The following KRTCAP2 variants were observed in gnomAD, a reference collection of about 807,000 sequenced individuals.
KRTCAP2 encodes keratinocyte associated protein 2, also known as dolichyl-diphosphooligosaccharide--protein glycosyltransferase subunit KCP2.
A neutral mutation model predicts 16.5 loss-of-function variants in KRTCAP2; 10 were observed. The ratio of observed to expected loss-of-function variants is 0.60; its 90% CI spans 0.37 to 1.02. The LOEUF (loss-of-function observed/expected upper bound fraction) is 1.02, where lower values mean the gene tolerates loss of function less well. Among genes scored for constraint, KRTCAP2 ranks in the 50% least tolerant of loss-of-function variants. The pLI, the probability that KRTCAP2 is intolerant of heterozygous loss-of-function variation, is 0.01. For synonymous variants in KRTCAP2, 68 were observed against 69.8 expected (o/e 0.97, Z 0.13); for missense variants, 152 against 159.6 (o/e 0.95, Z 0.26).
At chr1:155,173,156 A>C in intron 1 of KRTCAP2, 65 bp downstream of exon 1, 1 of 1,379,162 alleles carries the variant, frequency 7.3e-7, no homozygotes, top group Non-Finnish European at 1.0e-6. Context: ...GAGGACGAGG[A>C]AAGCTTGTCC....
Position 155,172,857 on chromosome 1 carries a change from G to A in KRTCAP2, c.40C>T (p.Leu14Phe), listed in dbSNP as rs1368141718. The change falls in exon 2 of 5, where the codon CTC becomes TTC. Residue 14 changes from leucine (L) to phenylalanine (F), a missense_variant. Physicochemically the swap from Leu to Phe is conservative, Grantham distance 22. Transcript: ENST00000295682. Reference sequence around the variant, plus strand: ...CCAGCAAAGAGCAGCAGGGACAGGAGGGAGGAGAGCGCCAGCGAGGTGCCC... The same window carrying A: ...CCAGCAAAGAGCAGCAGGGACAGGAAGGAGGAGAGCGCCAGCGAGGTGCCC... ...GTGTSLALSS[L>F]LSLLLFAGMQ... is the part of the protein sequence containing the mutation. 1.9e-6 allele frequency: 3 copies of A among 1,614,096 alleles called. No homozygotes were observed. The highest frequency in any genetic ancestry group is 2.2e-5 in the East Asian group (1 of 44,900).
intron 4 of KRTCAP2, 84 bp downstream of exon 4, chr1:155,169,707 A>T: frequency 7.3e-7 from 1 of 1,376,582 alleles, no homozygotes; most frequent in Non-Finnish European, 1.0e-6. Flanking sequence ...TAGGTGTGGA[A>T]GGAAAAACTC....
chr1:155,172,964 C>A, intron 1 of KRTCAP2, 72 bp from the exon 2 acceptor site: 2 of 1,540,504 alleles, frequency 1.3e-6, no homozygotes, highest in Non-Finnish European at 1.8e-6. Flanking sequence ...GCAGATCAGC[C>A]GGTCCGGAAG....
intron 3 of KRTCAP2, 183 bp downstream of exon 3, chr1:155,172,382 C>T: frequency 2.8e-6 from 4 of 1,441,994 alleles, no homozygotes; most frequent in Non-Finnish European, 3.6e-6. Flanking sequence ...GCCTTCTCTT[C>T]CAGCTCCAAC....
rs917604125 is a variant in KRTCAP2 at position 155,172,724 on chromosome 1, T to C, written c.159+14A>G. On this transcript the variant is annotated intron_variant, in intron 2 of 4. Transcript: ENST00000295682. Reference sequence around the variant, plus strand: ...GCCTACGTGGCCCGCCCCCTCCAACTGCAGGGAGGATACAGTGAGCGAGAA... The same window carrying C: ...GCCTACGTGGCCCGCCCCCTCCAACCGCAGGGAGGATACAGTGAGCGAGAA... 6.2e-7 allele frequency: 1 copy of C among 1,614,076 alleles called. No individual in the cohort carries two copies. The highest frequency in any genetic ancestry group is 8.5e-7 in the Non-Finnish European group (1 of 1,180,002).
rs147936640 is a variant in KRTCAP2, at chr1:155,173,271, G to T, written c.-47C>A. On this transcript the variant is annotated 5_prime_UTR_variant, in exon 1 of 5. It introduces an in-frame stop codon into an upstream open reading frame of the 5' UTR. Coordinates refer to ENST00000295682, the MANE Select transcript of KRTCAP2 (RefSeq NM_173852.4). ...ACCGGCGCCTCTGGCCAAGAAAGGC[G>T]AGCTGAACCGGGTGCGGTTAGCTAT... is the stretch of plus-strand genomic sequence containing the variant. 11 of 1,614,126 alleles carry T rather than the reference G, an allele frequency of 6.8e-6. No homozygotes were observed. In the African/African-American group the frequency reaches 1.3e-4, roughly 20 times the overall value.
In KRTCAP2 at chr1:155,172,872, G is replaced by A. The variant is rs751162422; in HGVS notation, c.25C>T (p.Leu9=). The change falls in exon 2 of 5, where the codon CTG becomes TTG. Residue 9 remains leucine, a synonymous_variant. Coordinates refer to ENST00000295682, the MANE Select transcript of KRTCAP2 (RefSeq NM_173852.4). Reference sequence around the variant, plus strand: ...AGGGACAGGAGGGAGGAGAGCGCCAGCGAGGTGCCCGTACCCACCACTGGA... The same window carrying A: ...AGGGACAGGAGGGAGGAGAGCGCCAACGAGGTGCCCGTACCCACCACTGGA... MVVGTGTS[L]ALSSLLSLLL... 1.7e-4 allele frequency: 274 copies of A among 1,613,954 alleles called. No individual in the cohort carries two copies. Among genetic ancestry groups the A allele is most frequent in the Non-Finnish European group, 2.3e-4 (266 of 1,180,026 alleles).
rs1441191088 is a variant in KRTCAP2 at position 155,172,609 on chromosome 1, T to G, written c.179A>C (p.Asn60Thr). The G allele has an allele frequency of 6.2e-7, 1 of 1,614,238 alleles. No individual in the cohort carries two copies. Among genetic ancestry groups the G allele is most frequent in the Non-Finnish European group, 8.5e-7 (1 of 1,180,048 alleles). Residue 60 changes from asparagine (N) to threonine (T), a missense_variant, in exon 3 of 5, where the codon AAT becomes ACT. Coordinates refer to ENST00000295682, the MANE Select transcript of KRTCAP2 (RefSeq NM_173852.4). ...TTGGAATCCTTTGCCAAAGACAAGA[T>G]TCTCCAGATTATTGAAGGCCTGGTT... ...FSLTAFNNLE[N>T]LVFGKGFQAK...
rs1665216944 is a variant in KRTCAP2, at chr1:155,170,866, T to A, written c.224-1009A>T. On this transcript the variant is annotated intron_variant, in intron 3 of 4. Coordinates refer to ENST00000295682, the MANE Select transcript of KRTCAP2 (RefSeq NM_173852.4). The stretch of plus-strand genomic sequence containing the variant: ...CTCTGTCGCCCAGGCTGGAGTGCAG[T>A]GGTGCAGTTTCAGCTCACTGCAGCC... The A allele has an allele frequency of 2.0e-5, 3 of 152,180 alleles. No homozygotes were observed. The East Asian group carries it at 5.8e-4, about 29-fold the overall frequency. The allele number at this position is 152,180 out of a possible 1,614,324, so 9.4% of individuals were successfully genotyped here. A position where few individuals can be genotyped will look rare whatever the true frequency, so the allele number is the denominator to read the frequency against.
intron 3 of KRTCAP2, chr1:155,171,578 C>T (rs1665246503): frequency 1.0e-6 from 1 of 985,424 alleles, no homozygotes; most frequent in Non-Finnish European, 1.2e-6. Flanking sequence ...ATGAGGGCAG[C>T]CAGGCACAGT....
Position 155,169,502 on chromosome 1 carries a change from G to C in KRTCAP2, c.349C>G (p.Gln117Glu). The change falls in exon 5 of 5, where the codon CAG becomes GAG. Residue 117 changes from glutamine (Q) to glutamate (E), a missense_variant. By Grantham distance (29) the Gln-to-Glu change is conservative. Coordinates refer to ENST00000295682, the MANE Select transcript of KRTCAP2 (RefSeq NM_173852.4). ...YINKISSTLY[Q>E]AAAPVLTPAK... Reference sequence around the variant, plus strand: ...GGTGTGAGGACTGGAGCTGCTGCCTGGTACAGGGTGGAGGAGATCTTGTTG... The same window carrying C: ...GGTGTGAGGACTGGAGCTGCTGCCTCGTACAGGGTGGAGGAGATCTTGTTG... 1.2e-6 allele frequency: 2 copies of C among 1,614,030 alleles called. No homozygotes were observed. Among genetic ancestry groups the C allele is most frequent in the Non-Finnish European group, 1.7e-6 (2 of 1,179,890 alleles).
chr1:155,172,286 G>A, intron 3 of KRTCAP2: 3 of 1,296,530 alleles, frequency 2.3e-6, no homozygotes, highest in South Asian at 1.6e-5. Context: ...GCGAATAGAT[G>A]CAAAACATCA....
chr1:155,172,758 G>C lies in KRTCAP2; in HGVS notation c.139C>G (p.Leu47Val). Residue 47 changes from leucine (L) to valine (V), a missense_variant, in exon 2 of 5, where the codon CTC becomes GTC. Physicochemically the swap from Leu to Val is conservative, Grantham distance 32. Transcript: ENST00000295682. ...TIQGGLLGSG[L>V]FVFSLTAFNN... ...GATACAGTGAGCGAGAACACGAAGA[G>C]ACCCGAACCAAGCAGGCCGCCCTGG... The C allele has an allele frequency of 6.2e-7, 1 of 1,614,210 alleles. No individual in the cohort carries two copies. The highest frequency in any genetic ancestry group is 8.5e-7 in the Non-Finnish European group (1 of 1,180,040).
rs138125750 is a variant in KRTCAP2 at position 155,171,908 on chromosome 1, T to C, written c.223+657A>G. On this transcript the variant is annotated intron_variant, in intron 3 of 4. Transcript: ENST00000295682. The stretch of plus-strand genomic sequence containing the variant: ...GGGCAACCATGATAGATCTTTGTTT[T>C]ACCACATGAGGGTTTTACATGAGAT... 2.9e-4 allele frequency: 284 copies of C among 985,380 alleles called. 2 individuals carry two copies. In the African/African-American group the frequency reaches 4.8e-3, roughly 17 times the overall value. The allele number at this position is 985,380 out of a possible 1,614,324, so 61.0% of individuals were successfully genotyped here.
intron 3 of KRTCAP2, 183 bp from the exon 4 acceptor site, chr1:155,170,040 G>GT (rs1665190114): frequency 3.8e-6 from 2 of 527,462 alleles, no homozygotes; most frequent in Admixed American, 3.3e-5. Context: ...GAGGTAGGAG[G>GT]TTGAGTGTGG....
rs1055874632 is a variant in KRTCAP2 at position 155,173,274 on chromosome 1, C to G, written c.-50G>C. Reference sequence around the variant, plus strand: ...GGCGCCTCTGGCCAAGAAAGGCGAGCTGAACCGGGTGCGGTTAGCTATGCG... The same window carrying G: ...GGCGCCTCTGGCCAAGAAAGGCGAGGTGAACCGGGTGCGGTTAGCTATGCG... On this transcript the variant is annotated 5_prime_UTR_variant, in exon 1 of 5. Transcript: ENST00000295682. The G allele has an allele frequency of 5.0e-6, 8 of 1,613,998 alleles. No homozygotes were observed. The highest frequency in any genetic ancestry group is 1.1e-5 in the South Asian group (1 of 91,056).
At chr1:155,172,527 G>T (rs766561897) in intron 3 of KRTCAP2, 38 bp downstream of exon 3, 4 of 1,614,162 alleles carry the variant, frequency 2.5e-6, no homozygotes, top group African/African-American at 1.3e-5. Flanking sequence ...GGTTAAAGAG[G>T]AGAAAGTTCA....
chr1:155,172,700 C>T, intron 2 of KRTCAP2, 38 bp downstream of exon 2: 1 of 1,614,160 alleles, frequency 6.2e-7, no homozygotes, highest in East Asian at 2.2e-5. Flanking sequence ...AGGGCACATG[C>T]CTACGTGGCC....
chr1:155,171,935 G>T (rs1460299576), intron 3 of KRTCAP2: 2 of 985,334 alleles, frequency 2.0e-6, no homozygotes, highest in African/African-American at 3.5e-5. Context: ...ACATGAGATT[G>T]CATCTGCTGT....
Sources: gnomAD v4.1 joint callset for allele counts on GRCh38, gnomAD v4.1.1 for gene constraint, MANE v1.5 for transcripts, NCBI Gene and HGNC (gene_info 2026-07-23, HGNC 2026-07-21) for gene names.